Variants in B3GALT1 observed in about 807,000 individuals in gnomAD.
B3GALT1 encodes beta-1,3-galactosyltransferase 1, also known as UDP-Gal:betaGlcNAc beta 1,3-galactosyltransferase, polypeptide 1.
A neutral mutation model predicts 23.2 loss-of-function variants in B3GALT1; 10 were observed. The ratio of observed to expected loss-of-function variants is 0.43; its 90% confidence interval spans 0.27 to 0.73. The LOEUF is 0.73. B3GALT1 is among the 30% of genes least tolerant of loss of function. The pLI is 0.21. For synonymous variants in B3GALT1, 156 were observed against 141.5 expected (o/e 1.10, Z -0.73); for missense variants, 299 against 405.4 (o/e 0.74, Z 2.25).
At chr2:167,535,204 T>C (rs956545011) in intron 2 of B3GALT1, among the ~76,000 whole-genome samples, 37 of 152,158 alleles carry the variant, frequency 2.4e-4, no homozygotes, top group African/African-American at 8.4e-4. Context: ...GAGTTATAGA[T>C]TTTTTTAAGT....
At chr2:167,468,756 A>C (rs768376167) in intron 1 of B3GALT1, among the ~76,000 whole-genome samples, 4 of 152,182 alleles carry the variant, frequency 2.6e-5, no homozygotes, top group Non-Finnish European at 4.4e-5. Flanking sequence ...CCTGAGTCCC[A>C]GCTACTTGAC....
intron 1 of B3GALT1, among the ~76,000 whole-genome samples, chr2:167,352,233 CTGGAAT>C (rs1304635028): frequency 6.1e-5 from 9 of 147,742 alleles, no homozygotes; most frequent in African/African-American, 2.3e-4. Context: ...TCCCAAAGTG[CTGGAAT>C]TACAGGTGTG....
intron 2 of B3GALT1, among the ~76,000 whole-genome samples, chr2:167,546,852 A>G (rs1425470679): frequency 6.6e-6 from 1 of 152,224 alleles, no homozygotes; most frequent in African/African-American, 2.4e-5. Context: ...AAGCATGCTT[A>G]GCACCAGAAA....
At chr2:167,363,753 G>A (rs907192980) in intron 1 of B3GALT1, among the ~76,000 whole-genome samples, 7 of 152,150 alleles carry the variant, frequency 4.6e-5, no homozygotes, top group African/African-American at 1.7e-4. Flanking sequence ...GTTAGTTTTT[G>A]AGGGCAGAAT....
intron 2 of B3GALT1, among the ~76,000 whole-genome samples, chr2:167,491,251 G>A (rs996313137): frequency 1.6e-4 from 24 of 152,292 alleles, no homozygotes; most frequent in Admixed American, 1.1e-3. Context: ...TTGAAGAATT[G>A]TAGGTTTCAG....
At chr2:167,755,440 A>G (rs1287652631) in intron 3 of B3GALT1, among the ~76,000 whole-genome samples, 3 of 148,788 alleles carry the variant, frequency 2.0e-5, no homozygotes, top group African/African-American at 7.4e-5. Context: ...TTGCCCTTCC[A>G]TTTCTTCCCG....
intron 3 of B3GALT1, chr2:167,715,148 T>C: frequency 6.2e-7 from 1 of 1,613,930 alleles, no homozygotes; most frequent in Non-Finnish European, 8.5e-7. Context: ...GGGAGGATCA[T>C]CTAAGTAAGC....
intron 3 of B3GALT1, among the ~76,000 whole-genome samples, chr2:167,685,267 CT>C (rs1686599936): frequency 6.6e-6 from 1 of 152,024 alleles, no homozygotes; most frequent in South Asian, 2.1e-4. Context: ...ATCCATTATT[CT>C]TTTTTTAAAG....
rs563763470 is a variant in B3GALT1, at chr2:167,848,078, C to T, written c.-229-20733C>T. ...CCCTGAACAGAACAATAACAAGCAG[C>T]GAAATTAAAATGGTAATTTAAATAT... On this transcript the variant is annotated intron_variant, in intron 4 of 4. Transcript: ENST00000392690. Among the ~76,000 whole-genome samples, 6 of 151,902 alleles carry T rather than the reference C, an allele frequency of 3.9e-5. No individual in the cohort carries two copies. In the South Asian group the frequency reaches 1.0e-3, roughly 26 times the overall value.
At chr2:167,748,906 A>G (rs183505210) in intron 3 of B3GALT1, among the ~76,000 whole-genome samples, 125 of 152,288 alleles carry the variant, frequency 8.2e-4, no homozygotes, top group African/African-American at 2.9e-3. Flanking sequence ...CATTCATGCC[A>G]CACACATTTA....
At chr2:167,846,845 C>A (rs925991897) in intron 4 of B3GALT1, among the ~76,000 whole-genome samples, 2 of 152,168 alleles carry the variant, frequency 1.3e-5, no homozygotes, top group Admixed American at 6.5e-5. Flanking sequence ...CACCAACTAA[C>A]CATCTGCTGT....
At chr2:167,408,334 G>T (rs779002611) in intron 1 of B3GALT1, among the ~76,000 whole-genome samples, 13 of 152,014 alleles carry the variant, frequency 8.6e-5, no homozygotes, top group Non-Finnish European at 1.8e-4. Context: ...ATTACAAAAA[G>T]CCTCATCAAA....
intron 2 of B3GALT1, among the ~76,000 whole-genome samples, chr2:167,546,465 A>G (rs745495420): frequency 6.6e-6 from 1 of 152,104 alleles, no homozygotes; most frequent in Non-Finnish European, 1.5e-5. Flanking sequence ...CATATATCAC[A>G]TTGTTAGGCT....
chr2:167,663,291 A>C (rs1254136616), intron 3 of B3GALT1, among the ~76,000 whole-genome samples: 2 of 152,018 alleles, frequency 1.3e-5, no homozygotes, highest in Non-Finnish European at 2.9e-5. Context: ...ACATTAACTC[A>C]TCATTTTTTT....
chr2:167,804,725 A>G (rs1261172898), intron 3 of B3GALT1, among the ~76,000 whole-genome samples: 1 of 152,238 alleles, frequency 6.6e-6, no homozygotes, highest in South Asian at 2.1e-4. Flanking sequence ...CCAGTCTATC[A>G]TTGTTGGACA....
chr2:167,508,425 A>G (rs1699955687), intron 2 of B3GALT1, among the ~76,000 whole-genome samples: 1 of 151,346 alleles, frequency 6.6e-6, no homozygotes, highest in Non-Finnish European at 1.5e-5. Flanking sequence ...CTCCCGGCTA[A>G]TTTTTTATAT....
intron 2 of B3GALT1, among the ~76,000 whole-genome samples, chr2:167,553,623 T>C (rs1683789782): frequency 6.6e-6 from 1 of 152,200 alleles, no homozygotes; most frequent in African/African-American, 2.4e-5. Flanking sequence ...ATTTCATCTA[T>C]AAAATGGTCA....
At chr2:167,404,548 T>C (rs966453339) in intron 1 of B3GALT1, among the ~76,000 whole-genome samples, 3 of 152,194 alleles carry the variant, frequency 2.0e-5, no homozygotes, top group Admixed American at 6.5e-5. Flanking sequence ...TTGACTGATA[T>C]GCTCAGCTTG....
At chr2:167,338,656 G>A (rs979759458) in intron 1 of B3GALT1, among the ~76,000 whole-genome samples, 4 of 152,002 alleles carry the variant, frequency 2.6e-5, no homozygotes, top group Non-Finnish European at 5.9e-5. Context: ...TATAAAGCAA[G>A]CATTTATGAC....
Sources: gnomAD v4.1 joint callset for allele counts (sites outside exome capture counted in the v4.1 genomes callset) on GRCh38, gnomAD v4.1.1 for gene constraint, MANE v1.5 for transcripts, NCBI Gene and HGNC (gene_info 2026-07-23, HGNC 2026-07-21) for gene names.